Variants in APOB observed in about 807,000 individuals in gnomAD.
APOB encodes apolipoprotein B, also known as apolipoprotein B-100.
Under a neutral mutation model 314.1 loss-of-function variants are expected in APOB, and 153 were observed. That is an observed-to-expected ratio of 0.49 (90% CI 0.43 to 0.56). The LOEUF is 0.56. Among genes scored for constraint, APOB ranks in the 20% least tolerant of loss-of-function variants. The probability of loss-of-function intolerance (pLI) is 0.00; values close to 1 mark genes in which losing one functional copy is unlikely to be tolerated. For missense variants in APOB, 5,430 were observed against 5,350.7 expected, an observed-to-expected ratio of 1.01 and a Z score of -0.46; for synonymous variants, 2,087 against 2,036.4, an observed-to-expected ratio of 1.02 and a Z score of -0.67.
Position 21,008,523 on chromosome 2 carries a change from GT to G in APOB, c.8344del (p.Thr2782ProfsTer20), listed in dbSNP as rs1663214223. On this transcript the variant is annotated frameshift_variant, in exon 26 of 29. Coordinates refer to ENST00000233242, the MANE Select transcript of APOB (RefSeq NM_000384.3). LOFTEE classifies it high-confidence loss of function. ...TGCGATACCTGCTTCGTTTGCTGAG[GT>G]GGTTCCATTCCCTATGTCAGCATTT... is the stretch of plus-strand genomic sequence containing the variant. ...DANADIGNGTTSANEAGIAAS... is the reference protein window; with the variant it reads ...DANADIGNGTXSANEAGIAAS... The G allele has an allele frequency of 5.0e-6, 8 of 1,614,072 alleles. No individual in the cohort carries two copies. The highest frequency in any genetic ancestry group is 6.8e-6 in the Non-Finnish European group (8 of 1,179,986).
At chr2:21,036,584 G>A (rs1013700407) in intron 6 of APOB, among the ~76,000 whole-genome samples, 8 of 152,116 alleles carry the variant, frequency 5.3e-5, no homozygotes, top group Non-Finnish European at 7.4e-5. Context: ...GTGGGGCCAT[G>A]TTTGGTCAGG....
Position 21,008,153 on chromosome 2 carries a change from G to T in APOB, c.8715C>A (p.Asp2905Glu), listed in dbSNP as rs1326561820. The T allele has an allele frequency of 1.2e-6, 2 of 1,613,900 alleles. No individual in the cohort carries two copies. The highest frequency in any genetic ancestry group is 3.3e-5 in the Admixed American group (2 of 59,986). Residue 2905 changes from aspartate (D) to glutamate (E), a missense_variant, in exon 26 of 29, where the codon GAC (aspartate) becomes GAA (glutamate). Physicochemically the swap from Asp to Glu is conservative, Grantham distance 45 (BLOSUM62 2). Transcript: ENST00000233242. ...IPKLDFSSQADLRNEIKTLLK... is the reference protein window; with the variant it reads ...IPKLDFSSQAELRNEIKTLLK... Reference sequence around the variant, plus strand: ...ACAGTGTCTTGATCTCGTTGCGCAGGTCAGCCTGACTAGAGAAGTCCAGTT... The same window carrying T: ...ACAGTGTCTTGATCTCGTTGCGCAGTTCAGCCTGACTAGAGAAGTCCAGTT...
Position 21,022,830 on chromosome 2 carries a change from C to T in APOB, c.2816+1G>A. 6.2e-7 allele frequency: 1 copy of T among 1,613,940 alleles called. No homozygotes were observed. ...TAGGCAGACTTGGCTGAAAGAATTA[C>T]CCTCCACTGAGCAGCTTGACTGGTC... On this transcript the variant is annotated splice_donor_variant, in intron 18 of 28. Coordinates refer to ENST00000233242, the MANE Select transcript of APOB (RefSeq NM_000384.3). LOFTEE classifies it high-confidence loss of function.
At position 21,009,475 on chromosome 2, in the gene APOB, C is replaced by T; in HGVS notation, c.7393G>A (p.Ala2465Thr). 6.2e-7 allele frequency: 1 copy of T among 1,614,066 alleles called. No individual in the cohort carries two copies. The highest frequency in any genetic ancestry group is 8.5e-7 in the Non-Finnish European group (1 of 1,179,978). Residue 2465 changes from alanine (A) to threonine (T), a missense_variant, in exon 26 of 29, where the codon GCA (alanine) becomes ACA (threonine). Transcript: ENST00000233242. ...QALELPQKAE[A>T]LKLFLEETKA... ...GTTTCCTCTAAAAACAGTTTTAATG[C>T]TTCAGCTTTTTGTGGTAGTTCCAGA...
In APOB at chr2:21,008,388, G is replaced by T; in HGVS notation, c.8480C>A (p.Ser2827Ter). ...CAGGTACTTGCTGGAGAACTTCACTGACTCCTTCAGAGCCAGCGGATTAAT... is the reference window on the plus strand; with the variant it reads ...CAGGTACTTGCTGGAGAACTTCACTTACTCCTTCAGAGCCAGCGGATTAAT... Reference protein sequence around the residue: ...PKINPLALKESVKFSSKYLRT... With the variant: ...PKINPLALKE The change falls in exon 26 of 29, where the codon TCA becomes TAA. Residue 2827 changes from serine to a stop codon, truncating the protein, a stop_gained. Coordinates refer to ENST00000233242, the MANE Select transcript of APOB (RefSeq NM_000384.3). LOFTEE classifies it high-confidence loss of function. 1 of 1,614,024 alleles carries T rather than the reference G, an allele frequency of 6.2e-7. No homozygotes were observed. Among genetic ancestry groups the T allele is most frequent in the Non-Finnish European group, 8.5e-7 (1 of 1,179,970 alleles).
At position 21,010,533 on chromosome 2, in the gene APOB, C is replaced by T; in HGVS notation, c.6335G>A (p.Arg2112Lys). 1 of 1,609,956 alleles carries T rather than the reference C, an allele frequency of 6.2e-7. No individual in the cohort carries two copies. Among genetic ancestry groups the T allele is most frequent in the East Asian group, 2.2e-5 (1 of 44,772 alleles). The change falls in exon 26 of 29, where the codon AGA (arginine) becomes AAA (lysine). Residue 2112 changes from arginine (R) to lysine (K), a missense_variant. Around this residue, in one of 3 missense-constraint regions of APOB, gnomAD observed 3,281 missense variants for 3,171.0 expected, o/e 1.03. Coordinates refer to ENST00000233242, the MANE Select transcript of APOB (RefSeq NM_000384.3). ...INIDQFVRKY[R>K]AALGKLPQQA... ...CTGTGGGAGTTTTCCCAGGGCTGCT[C>T]TGTATTTTCTTACAAATTGATCAAT...
intron 18 of APOB, among the ~76,000 whole-genome samples, chr2:21,021,012 A>C (rs933510725): frequency 6.6e-6 from 1 of 152,196 alleles, no homozygotes; most frequent in Non-Finnish European, 1.5e-5. Context: ...TAACCACAAC[A>C]ACCTCTGTAT....
rs542432913 is a variant in APOB at position 21,003,777 on chromosome 2, C to A, written c.12088-443G>T. 9.8e-5 allele frequency among the ~76,000 whole-genome samples: 15 copies of A among 152,290 alleles called. 1 individual carries two copies. The South Asian group carries it at 3.1e-3, about 32-fold the overall frequency. On this transcript the variant is annotated intron_variant, in intron 28 of 28. Coordinates refer to ENST00000233242, the MANE Select transcript of APOB (RefSeq NM_000384.3). ...CAGTACGCATTCTCCAAGCCCATGA[C>A]AAACTTTTAGTAACAGTCATAGAAC...
intron 20 of APOB, among the ~76,000 whole-genome samples, chr2:21,017,632 G>A (rs1194174765): frequency 2.0e-5 from 3 of 152,240 alleles, no homozygotes; most frequent in South Asian, 2.1e-4. Context: ...AGGAAGACAC[G>A]ACATCTCTAT....
At position 21,007,015 on chromosome 2, in the gene APOB, T is replaced by C. The variant is rs2103352539; in HGVS notation, c.9853A>G (p.Ile3285Val). 2 of 1,613,994 alleles carry C rather than the reference T, an allele frequency of 1.2e-6. No individual in the cohort carries two copies. Among genetic ancestry groups the C allele is most frequent in the Non-Finnish European group, 1.7e-6 (2 of 1,179,928 alleles). Residue 3285 changes from isoleucine to valine, a missense_variant, in exon 26 of 29, where the codon ATC becomes GTC. Physicochemically the swap from Ile to Val is conservative, Grantham distance 29 (BLOSUM62 3). This residue lies in a region of APOB where 3,281 missense variants were observed against 3,171.0 expected (regional missense o/e 1.03). Coordinates refer to ENST00000233242, the MANE Select transcript of APOB (RefSeq NM_000384.3). ...PKAVSMPSFS[I>V]LGSDVRVPSY... Reference sequence around the variant, plus strand: ...GGCACACGGACGTCAGAACCTAGGATGGAGAAACTAGGCATGCTGACTGCT... The same window carrying C: ...GGCACACGGACGTCAGAACCTAGGACGGAGAAACTAGGCATGCTGACTGCT...
chr2:21,037,926 G>A, intron 5 of APOB, 32 bp downstream of exon 5: 1 of 1,613,770 alleles, frequency 6.2e-7, no homozygotes, highest in Non-Finnish European at 8.5e-7. Flanking sequence ...TGAGTTTCAA[G>A]GGCCACTGCT....
Position 21,011,362 on chromosome 2 carries a change from T to C in APOB, c.5506A>G (p.Ile1836Val). 6.2e-7 allele frequency: 1 copy of C among 1,614,190 alleles called. No homozygotes were observed. Among genetic ancestry groups the C allele is most frequent in the Non-Finnish European group, 8.5e-7 (1 of 1,180,036 alleles). ...NLKGAYQNNE[I>V]KHIYAISSAA... Reference sequence around the variant, plus strand: ...GAAGAGATGGCATAGATGTGTTTTATTTCATTATTTTGGTAGGCTCCTTTT... The same window carrying C: ...GAAGAGATGGCATAGATGTGTTTTACTTCATTATTTTGGTAGGCTCCTTTT... Residue 1836 changes from isoleucine (I) to valine (V), a missense_variant, in exon 26 of 29, where the codon ATA becomes GTA. By Grantham distance (29) the Ile-to-Val change is conservative. Transcript: ENST00000233242.
At chr2:21,015,813 A>G (rs577370966) in intron 21 of APOB, among the ~76,000 whole-genome samples, 2 of 152,326 alleles carry the variant, frequency 1.3e-5, no homozygotes, top group South Asian at 2.1e-4. Context: ...TGACCAAATG[A>G]TTTAACCCCT....
Position 21,010,423 on chromosome 2 carries a change from A to T in APOB, c.6445T>A (p.Tyr2149Asn), listed in dbSNP as rs778157137. 1.2e-6 allele frequency: 2 copies of T among 1,602,066 alleles called. No individual in the cohort carries two copies. Among genetic ancestry groups the T allele is most frequent in the Admixed American group, 3.4e-5 (2 of 59,050 alleles). ...TGTATATCATTTTCTGTAATTCTAT[A>T]CTTTTTTGTGAGAGCAGTCAGTTTC... is the stretch of plus-strand genomic sequence containing the variant. ...KEKLTALTKK[Y>N]RITENDIQIA... The change falls in exon 26 of 29, where the codon TAT becomes AAT. Residue 2149 changes from tyrosine (Y) to asparagine (N), a missense_variant. By Grantham distance (143) the Tyr-to-Asn change is moderately radical. Coordinates refer to ENST00000233242, the MANE Select transcript of APOB (RefSeq NM_000384.3).
In APOB at chr2:21,019,044, C is replaced by T; in HGVS notation, c.3069G>A (p.Gln1023=). 6.2e-7 allele frequency: 1 copy of T among 1,614,104 alleles called. No homozygotes were observed. Among genetic ancestry groups the T allele is most frequent in the Non-Finnish European group, 8.5e-7 (1 of 1,180,034 alleles). The part of the protein sequence containing the change: ...QYSVSATYEL[Q]REDRALVDTL... Reference sequence around the variant, plus strand: ...TATCCACCAAGGCTCTGTCCTCTCTCTGGAGCTCATAGGTTGCGCTGACAG... The same window carrying T: ...TATCCACCAAGGCTCTGTCCTCTCTTTGGAGCTCATAGGTTGCGCTGACAG... The change falls in exon 20 of 29, where the codon CAG becomes CAA. Residue 1023 remains glutamine, a synonymous_variant. Coordinates refer to ENST00000233242, the MANE Select transcript of APOB (RefSeq NM_000384.3).
intron 18 of APOB, among the ~76,000 whole-genome samples, chr2:21,020,955 T>C (rs1256041201): frequency 1.3e-5 from 2 of 152,238 alleles, no homozygotes; most frequent in South Asian, 2.1e-4. Flanking sequence ...GTCTTCTCCA[T>C]ATTTCTGTCC....
Position 21,008,297 on chromosome 2 carries a change from C to A in APOB, c.8571G>T (p.Val2857=). ...GNAIEGKSNT[V]ASLHTEKNTL... is the part of the protein sequence containing the mutation. Reference sequence around the variant, plus strand: ...TATTTTTTTCTGTGTGTAAACTTGCCACTGTGTTTGATTTTCCCTCAATAG... The same window carrying A: ...TATTTTTTTCTGTGTGTAAACTTGCAACTGTGTTTGATTTTCCCTCAATAG... The change falls in exon 26 of 29, where the codon GTG becomes GTT. Residue 2857 remains valine, a synonymous_variant. Transcript: ENST00000233242. 1 of 1,613,404 alleles carries A rather than the reference C, an allele frequency of 6.2e-7. No individual in the cohort carries two copies. The highest frequency in any genetic ancestry group is 1.7e-5 in the Admixed American group (1 of 59,966).
intron 23 of APOB, among the ~76,000 whole-genome samples, 162 bp from the exon 24 acceptor site, chr2:21,014,755 T>A (rs548508372): frequency 6.6e-6 from 1 of 152,348 alleles, no homozygotes; most frequent in African/African-American, 2.4e-5. Flanking sequence ...TCGTTGCCAG[T>A]CACTGATCAC....
rs761276405 is a variant in APOB at position 21,002,616 on chromosome 2, T to A, written c.12806A>T (p.Tyr4269Phe). Residue 4269 changes from tyrosine (Y) to phenylalanine (F), a missense_variant, in exon 29 of 29, where the codon TAT (tyrosine) becomes TTT (phenylalanine). Transcript: ENST00000233242. ...KHKLIDVISM[Y>F]RELLKDLSKE... ...TGATAAATCTTTCAACAGTTCCCTA[T>A]ACATCGAGATTACATCTATTAGTTT... is the stretch of plus-strand genomic sequence containing the variant. 9.3e-6 allele frequency: 15 copies of A among 1,613,958 alleles called. No homozygotes were observed. In the South Asian group the frequency reaches 1.6e-4, roughly 18 times the overall value.
Sources: allele counts gnomAD v4.1 joint callset (sites outside exome capture counted in the v4.1 genomes callset), GRCh38; gene constraint gnomAD v4.1.1; regional missense constraint gnomAD v4.1.1; transcripts MANE v1.5; gene names NCBI Gene and HGNC (gene_info 2026-07-23, HGNC 2026-07-21).